Variants in ALG6 observed in about 807,000 individuals in gnomAD.
The protein encoded by ALG6 is ALG6 alpha-1,3-glucosyltransferase.
In ALG6, 46 loss-of-function variants were observed where a neutral mutation model predicts 66.6. The observed-to-expected ratio is 0.69, with a 90% CI of 0.55 to 0.88. The LOEUF (loss-of-function observed/expected upper bound fraction) is 0.88. ALG6 is among the 40% of genes least tolerant of loss of function. The probability of loss-of-function intolerance (pLI) is 0.00; values close to 1 mark genes in which losing one functional copy is unlikely to be tolerated. For missense variants in ALG6, 505 were observed against 586.8 expected, an observed-to-expected ratio of 0.86 and a Z score of 1.44; for synonymous variants, 185 against 203.7, an observed-to-expected ratio of 0.91 and a Z score of 0.78.
chr1:63,415,030 A>G (rs889895546), intron 10 of ALG6, among the ~76,000 whole-genome samples: 7 of 152,174 alleles, frequency 4.6e-5, no homozygotes, highest in East Asian at 1.9e-4. Flanking sequence ...CACATCTGCA[A>G]AATTCTTTCA....
chr1:63,437,100 T>C lies in ALG6; in HGVS notation c.*80T>C, dbSNP rs940764455. On this transcript the variant is annotated 3_prime_UTR_variant, in exon 15 of 15. Coordinates refer to ENST00000263440, the MANE Select transcript of ALG6 (RefSeq NM_013339.4). ...GAAAGGTTTTGTGAACTTTTTGCTA[T>C]GTATAAATGAAATTACCATTTTGAG... The C allele has an allele frequency of 1.3e-5, 16 of 1,275,830 alleles. No homozygotes were observed. The East Asian group carries it at 3.7e-4, about 29-fold the overall frequency. The allele number at this position is 1,275,830 out of a possible 1,614,324, so 79.0% of individuals were successfully genotyped here. A position where few individuals can be genotyped will look rare whatever the true frequency, so the allele number is the denominator to read the frequency against.
chr1:63,423,590 T>C lies in ALG6; in HGVS notation c.1058+4150T>C, dbSNP rs1042354918. 1.8e-4 allele frequency among the ~76,000 whole-genome samples: 27 copies of C among 152,366 alleles called. 2 individuals carry two copies. The highest frequency in any genetic ancestry group is 1.4e-3 in the Admixed American group (21 of 15,302). On this transcript the variant is annotated intron_variant, in intron 12 of 14. Coordinates refer to ENST00000263440, the MANE Select transcript of ALG6 (RefSeq NM_013339.4). The stretch of plus-strand genomic sequence containing the variant: ...GGATTTGTCTATTCTGGATATTTTA[T>C]ATAAATGGAATCATATTATATGTGG...
At chr1:63,411,853 G>A in intron 8 of ALG6, 73 bp from the exon 9 acceptor site, 1 of 1,590,784 alleles carries the variant, frequency 6.3e-7, no homozygotes, top group Non-Finnish European at 8.6e-7. Flanking sequence ...ATTATGTTCA[G>A]TGAGACTCAG....
rs551093531 is a variant in ALG6, at chr1:63,377,641, T to C, written c.82+6582T>C. 2.0e-5 allele frequency among the ~76,000 whole-genome samples: 3 copies of C among 152,348 alleles called. No individual in the cohort carries two copies. In the South Asian group the frequency reaches 6.2e-4, roughly 32 times the overall value. The stretch of plus-strand genomic sequence containing the variant: ...ATCCTCACTTCCCAAGTTAAAATGT[T>C]ACTGTCTAGGATTTTGTTTCTTCCA... On this transcript the variant is annotated intron_variant, in intron 2 of 14. Coordinates refer to ENST00000263440, the MANE Select transcript of ALG6 (RefSeq NM_013339.4).
intron 2 of ALG6, among the ~76,000 whole-genome samples, chr1:63,377,740 T>C (rs1433679742): frequency 6.6e-6 from 1 of 152,122 alleles, no homozygotes; most frequent in East Asian, 1.9e-4. Flanking sequence ...ATTTATTATT[T>C]ATTTATTTTT....
At chr1:63,390,541 A>G (rs904562998) in intron 2 of ALG6, among the ~76,000 whole-genome samples, 4 of 152,116 alleles carry the variant, frequency 2.6e-5, no homozygotes, top group African/African-American at 9.7e-5. Flanking sequence ...CCCCCAGTCC[A>G]CTGCGTCTGA....
At chr1:63,374,710 T>C (rs1235776949) in intron 2 of ALG6, among the ~76,000 whole-genome samples, 1 of 152,180 alleles carries the variant, frequency 6.6e-6, no homozygotes, top group Non-Finnish European at 1.5e-5. Flanking sequence ...GGGCTATAAC[T>C]AGCACATTTA....
At position 63,433,426 on chromosome 1, in the gene ALG6, G is replaced by A. The variant is rs953111193; in HGVS notation, c.1327-3397G>A. Among the ~76,000 whole-genome samples the A allele has an allele frequency of 6.6e-6, 1 of 152,184 alleles. No homozygotes were observed. The highest frequency in any genetic ancestry group is 2.4e-5 in the African/African-American group (1 of 41,448). ...GTATTCTCAGGGCAGAGTTGAATGG[G>A]TGTCCTGAGGGTTTTGCACTTTAGG... is the stretch of plus-strand genomic sequence containing the variant. On this transcript the variant is annotated intron_variant, in intron 14 of 14. Coordinates refer to ENST00000263440, the MANE Select transcript of ALG6 (RefSeq NM_013339.4). The surrounding 1 kb of genome is among the most constrained non-coding windows in gnomAD (Gnocchi z 4.2).
intron 7 of ALG6, 48 bp from the exon 8 acceptor site, chr1:63,411,098 C>CT: frequency 1.3e-6 from 2 of 1,595,226 alleles, no homozygotes; most frequent in African/African-American, 1.3e-5. Flanking sequence ...TTTAAAAGCT[C>CT]TATCTTTTTA....
chr1:63,368,905 C>T (rs1647818786), intron 1 of ALG6, among the ~76,000 whole-genome samples: 1 of 152,086 alleles, frequency 6.6e-6, no homozygotes. Context: ...ATTTCCTAAC[C>T]ACTACTCAAA....
At chr1:63,409,279 T>C (rs983367106) in intron 7 of ALG6, among the ~76,000 whole-genome samples, 4 of 152,210 alleles carry the variant, frequency 2.6e-5, no homozygotes, top group African/African-American at 9.6e-5. Context: ...TTTTTGTGGT[T>C]CTGAAATTTT....
chr1:63,403,198 T>C (rs530260197), intron 4 of ALG6, among the ~76,000 whole-genome samples: 1 of 152,108 alleles, frequency 6.6e-6, no homozygotes, highest in Non-Finnish European at 1.5e-5. Flanking sequence ...TAGTTTTGTT[T>C]TGAAGTAGAG....
At position 63,437,262 on chromosome 1, in the gene ALG6, CT is replaced by C. The variant is rs979781466; in HGVS notation, c.*243del. 2.3e-6 allele frequency: 1 copy of C among 432,760 alleles called. No individual in the cohort carries two copies. Among genetic ancestry groups the C allele is most frequent in the African/African-American group, 2.0e-5 (1 of 49,870 alleles). 26.8% of individuals were successfully genotyped at this position (432,760 alleles called of 1,614,324 possible). A position where few individuals can be genotyped will look rare whatever the true frequency, so the allele number is the denominator to read the frequency against. ...AAACATGTGGTTTTATTATTCACAG[CT>C]ATTCAAGTGGGGAAAAAAGAGAAAC... On this transcript the variant is annotated 3_prime_UTR_variant, in exon 15 of 15. Transcript: ENST00000263440.
At chr1:63,425,954 G>A (rs1330677013) in intron 12 of ALG6, among the ~76,000 whole-genome samples, 1 of 152,186 alleles carries the variant, frequency 6.6e-6, no homozygotes, top group Non-Finnish European at 1.5e-5. Flanking sequence ...GCAGGAGATA[G>A]TGGTGAGAGT....
At chr1:63,434,301 G>A (rs1418629428) in intron 14 of ALG6, among the ~76,000 whole-genome samples, 1 of 152,188 alleles carries the variant, frequency 6.6e-6, no homozygotes, top group Non-Finnish European at 1.5e-5. Context: ...TTGTGAAAGA[G>A]AGGTGTTCAA....
At chr1:63,413,077 G>A (rs1644524477) in intron 9 of ALG6, among the ~76,000 whole-genome samples, 1 of 152,126 alleles carries the variant, frequency 6.6e-6, no homozygotes, top group Non-Finnish European at 1.5e-5. Flanking sequence ...CTTAGCAGGT[G>A]CCAGACACTT....
chr1:63,413,824 A>C, intron 9 of ALG6: 1 of 423,950 alleles, frequency 2.4e-6, no homozygotes, highest in South Asian at 2.6e-5. Context: ...GTATTTGGGA[A>C]TGTCTGGATT....
chr1:63,422,482 T>A (rs1644593039), intron 12 of ALG6, among the ~76,000 whole-genome samples: 1 of 118,628 alleles, frequency 8.4e-6, no homozygotes, highest in Non-Finnish European at 1.7e-5. Context: ...TAAATATATA[T>A]ATATAAAAGA....
intron 10 of ALG6, among the ~76,000 whole-genome samples, chr1:63,415,179 A>G (rs538668986): frequency 9.8e-5 from 15 of 152,292 alleles, no homozygotes; most frequent in African/African-American, 2.9e-4. Flanking sequence ...AGTTCAGCCT[A>G]GCCAAGTTGA....
Sources: allele counts gnomAD v4.1 joint callset (sites outside exome capture counted in the v4.1 genomes callset), GRCh38; gene constraint gnomAD v4.1.1; non-coding constraint Gnocchi (gnomAD v3.1); transcripts MANE v1.5; gene names NCBI Gene and HGNC (gene_info 2026-07-23, HGNC 2026-07-21).